The following TSFM variants were observed in gnomAD, a reference collection of about 807,000 sequenced individuals.
The protein encoded by TSFM is Ts translation elongation factor, mitochondrial, also known as elongation factor Ts, mitochondrial.
TSFM carries 29 observed loss-of-function variants against 33.4 expected under a neutral mutation model. That is an observed-to-expected ratio of 0.87 (90% confidence interval 0.65 to 1.18). The LOEUF is 1.18. Ranked by LOEUF, TSFM falls within the 50% of genes most tolerant of loss-of-function variation. The probability of loss-of-function intolerance (pLI) is 0.00; values close to 1 mark genes in which losing one functional copy is unlikely to be tolerated. For missense variants in TSFM, 394 were observed against 395.6 expected, an observed-to-expected ratio of 1.00 and a Z score of 0.04; for synonymous variants, 178 against 163.5, an observed-to-expected ratio of 1.09 and a Z score of -0.68.
At chr12:57,783,778 A>AT (rs887846173) in intron 2 of TSFM, 542 of 575,938 alleles carry the variant, frequency 9.4e-4, no homozygotes, top group African/African-American at 3.7e-3. Flanking sequence ...TTTATTTTTT[A>AT]TTTTTTTTTG....
At chr12:57,783,729 G>T in intron 2 of TSFM, 2 of 574,556 alleles carry the variant, frequency 3.5e-6, no homozygotes, top group Admixed American at 3.0e-5. Flanking sequence ...GAGTAGTTGG[G>T]ATTACAGGCG....
rs1955746790 is a variant in TSFM at position 57,796,773 on chromosome 12, A to G, written c.*190A>G. Reference sequence around the variant, plus strand: ...TAGCTTTTCTGTGCCTTTCAAAAACAACAGGTGGGCCTTATTGACGTGATA... The same window carrying G: ...TAGCTTTTCTGTGCCTTTCAAAAACGACAGGTGGGCCTTATTGACGTGATA... On this transcript the variant is annotated 3_prime_UTR_variant, in exon 6 of 6. Coordinates refer to ENST00000652027, the MANE Select transcript of TSFM (RefSeq NM_005726.6). The G allele has an allele frequency of 8.2e-7, 1 of 1,216,202 alleles. No homozygotes were observed. Among genetic ancestry groups the G allele is most frequent in the African/African-American group, 1.6e-5 (1 of 64,030 alleles). 75.3% of individuals were successfully genotyped at this position (1,216,202 alleles called of 1,614,324 possible). A position where few individuals can be genotyped will look rare whatever the true frequency, so the allele number is the denominator to read the frequency against.
downstream of TSFM, chr12:57,797,999 A>C: frequency 6.3e-7 from 1 of 1,590,900 alleles, no homozygotes; most frequent in Non-Finnish European, 8.5e-7. Context: ...GGTAATTCTA[A>C]GAGAGAAAAC....
chr12:57,792,210 C>T (rs757391319), intron 4 of TSFM, among the ~76,000 whole-genome samples: 2 of 150,838 alleles, frequency 1.3e-5, no homozygotes, highest in African/African-American at 2.4e-5. Flanking sequence ...TGCCACCGCA[C>T]TCCAGCCTGG....
At chr12:57,786,085 C>G in intron 2 of TSFM, 78 bp from the exon 3 acceptor site, 1 of 1,426,568 alleles carries the variant, frequency 7.0e-7, no homozygotes, top group South Asian at 1.5e-5. Flanking sequence ...AATCAGGAAA[C>G]CTGAGTATAT....
rs1955537612 is a variant in TSFM at position 57,783,212 on chromosome 12, C to T, written c.160C>T (p.Arg54Trp). ...CAGCAAGGAGCTCCTCATGAAGCTGCGGCGGAAAACAGGCTACTCCTTTGT... is the reference window on the plus strand; with the variant it reads ...CAGCAAGGAGCTCCTCATGAAGCTGTGGCGGAAAACAGGCTACTCCTTTGT... ...ASSKELLMKL[R>W]RKTGYSFVNC... The change falls in exon 2 of 6, where the codon CGG (arginine) becomes TGG (tryptophan). Residue 54 changes from arginine to tryptophan, a missense_variant. Coordinates refer to ENST00000652027, the MANE Select transcript of TSFM (RefSeq NM_005726.6). 6.2e-7 allele frequency: 1 copy of T among 1,613,804 alleles called. No individual in the cohort carries two copies. Among genetic ancestry groups the T allele is most frequent in the Non-Finnish European group, 8.5e-7 (1 of 1,179,898 alleles).
At chr12:57,786,855 A>G (rs964287299) in intron 3 of TSFM, among the ~76,000 whole-genome samples, 185 bp from the exon 4 acceptor site, 21 of 152,188 alleles carry the variant, frequency 1.4e-4, no homozygotes, top group Non-Finnish European at 2.4e-4. Flanking sequence ...CACTGGCCCA[A>G]CATAAATCAC....
chr12:57,796,788 T>C lies in TSFM; in HGVS notation c.*205T>C. 1 of 1,204,434 alleles carries C rather than the reference T, an allele frequency of 8.3e-7. No individual in the cohort carries two copies. The allele number at this position is 1,204,434 out of a possible 1,614,324, so 74.6% of individuals were successfully genotyped here. On this transcript the variant is annotated 3_prime_UTR_variant, in exon 6 of 6. Coordinates refer to ENST00000652027, the MANE Select transcript of TSFM (RefSeq NM_005726.6). ...TTTCAAAAACAACAGGTGGGCCTTA[T>C]TGACGTGATAGTGTCGTGGAGAACA... is the stretch of plus-strand genomic sequence containing the variant.
chr12:57,795,998 C>T (rs1408984352), intron 5 of TSFM, among the ~76,000 whole-genome samples, 179 bp from the exon 6 acceptor site: 1 of 152,150 alleles, frequency 6.6e-6, no homozygotes, highest in Admixed American at 6.5e-5. Flanking sequence ...GCTCTCCTGC[C>T]CCATACCCCT....
chr12:57,783,124 G>T lies in TSFM; in HGVS notation c.72G>T (p.Leu24=). ...ATCTCATCTAGGCTGGGTCTCTTCT[G>T]CGTCAGTCGCCCCAGCCAAGGCACA... ...RTGSYPAGSL[L]RQSPQPRHTF... The change falls in exon 2 of 6, where the codon CTG becomes CTT. Residue 24 remains leucine (L), a synonymous_variant. Coordinates refer to ENST00000652027, the MANE Select transcript of TSFM (RefSeq NM_005726.6). 3 of 1,610,694 alleles carry T rather than the reference G, an allele frequency of 1.9e-6. No individual in the cohort carries two copies. Among genetic ancestry groups the T allele is most frequent in the Non-Finnish European group, 2.5e-6 (3 of 1,179,664 alleles).
At chr12:57,784,109 T>G (rs1241565681) in intron 2 of TSFM, 1 of 702,704 alleles carries the variant, frequency 1.4e-6, no homozygotes, top group Admixed American at 2.0e-5. Flanking sequence ...CAGCTGCTCC[T>G]AGGCTACAAA....
At chr12:57,795,975 T>A (rs1423571915) in intron 5 of TSFM, among the ~76,000 whole-genome samples, 1 of 152,154 alleles carries the variant, frequency 6.6e-6, no homozygotes, top group Non-Finnish European at 1.5e-5. Flanking sequence ...TATTCTTCAC[T>A]TCCCCCACTC....
chr12:57,801,161 T>C (rs748812864), downstream of TSFM: 32 of 1,613,672 alleles, frequency 2.0e-5, no homozygotes, highest in Non-Finnish European at 2.6e-5. Context: ...ATTCGCATGA[T>C]AGCAGCAGCA....
At position 57,783,168 on chromosome 12, in the gene TSFM, G is replaced by T. The variant is rs1388095732; in HGVS notation, c.116G>T (p.Arg39Leu). 10 of 1,613,354 alleles carry T rather than the reference G, an allele frequency of 6.2e-6. No individual in the cohort carries two copies. The highest frequency in any genetic ancestry group is 8.5e-6 in the Non-Finnish European group (10 of 1,179,892). ...AGGCACACATTTTATGCTGGGCCCC[G>T]TCTGTCTGCCTCGGCCTCCAGCAAG... ...QPRHTFYAGP[R>L]LSASASSKEL... The change falls in exon 2 of 6, where the codon CGT becomes CTT. Residue 39 changes from arginine to leucine, a missense_variant. Arg to Leu is a moderately radical substitution (Grantham distance 102, BLOSUM62 -2). Transcript: ENST00000652027.
intron 5 of TSFM, 89 bp downstream of exon 5, chr12:57,793,162 T>TAG: frequency 8.8e-7 from 1 of 1,141,980 alleles, no homozygotes; most frequent in Non-Finnish European, 1.3e-6. Context: ...AAGAATCATG[T>TAG]GCCTACAAGG....
intron 4 of TSFM, among the ~76,000 whole-genome samples, chr12:57,791,182 G>A (rs1955657722): frequency 6.8e-6 from 1 of 147,924 alleles, no homozygotes; most frequent in Non-Finnish European, 1.5e-5. Context: ...GCTAATTTTT[G>A]TATTTTTAGT....
At chr12:57,801,143 C>G (rs1955839146), downstream of TSFM, 1 of 1,613,336 alleles carries the variant, frequency 6.2e-7, no homozygotes, top group Non-Finnish European at 8.5e-7. Flanking sequence ...ACCCGACTCA[C>G]AGCAGTGATT....
At chr12:57,802,327 C>T (rs1478149720), downstream of TSFM, 2 of 1,612,804 alleles carry the variant, frequency 1.2e-6, no homozygotes, top group Non-Finnish European at 1.7e-6. Flanking sequence ...GCATTGGCCT[C>T]AGCCCCAATC....
At chr12:57,783,324 G>C (rs760707345) in intron 2 of TSFM, 41 bp downstream of exon 2, 2 of 1,611,892 alleles carry the variant, frequency 1.2e-6, no homozygotes, top group South Asian at 2.2e-5. Context: ...ACTAGAGCTC[G>C]ACCTCAGACT....
Sources: allele counts gnomAD v4.1 joint callset (sites outside exome capture counted in the v4.1 genomes callset), GRCh38; gene constraint gnomAD v4.1.1; transcripts MANE v1.5; gene names NCBI Gene and HGNC (gene_info 2026-07-23, HGNC 2026-07-21).